The following SMARCC1 variants were observed in gnomAD, a reference collection of about 807,000 sequenced individuals.
The protein encoded by SMARCC1 is SWI/SNF related BAF chromatin remodeling complex subunit C1, also known as SWI/SNF complex subunit SMARCC1.
A neutral mutation model predicts 147.4 loss-of-function variants in SMARCC1; 43 were observed. The ratio of observed to expected loss-of-function variants is 0.29; its 90% confidence interval spans 0.23 to 0.38. SMARCC1 has a LOEUF of 0.38. SMARCC1 is among the 10% of genes least tolerant of loss of function. The probability of loss-of-function intolerance (pLI) is 1.00; values close to 1 mark genes in which losing one functional copy is unlikely to be tolerated. For synonymous variants in SMARCC1, 495 were observed against 484.4 expected (o/e 1.02, Z -0.29); for missense variants, 1,119 against 1,381.1 (o/e 0.81, Z 3.01).
intron 2 of SMARCC1, among the ~76,000 whole-genome samples, chr3:47,762,113 T>A (rs2034780678): frequency 6.6e-6 from 1 of 152,104 alleles, no homozygotes; most frequent in Non-Finnish European, 1.5e-5. Flanking sequence ...CACAGAACAT[T>A]TTTAGAAACT....
chr3:47,738,207 T>G, intron 3 of SMARCC1, 97 bp from the exon 4 acceptor site: 1 of 730,224 alleles, frequency 1.4e-6, no homozygotes, highest in East Asian at 2.8e-5. Context: ...TAGAAAGATT[T>G]GAAAATTAAA....
intron 24 of SMARCC1, 42 bp from the exon 25 acceptor site, chr3:47,622,383 G>C (rs541575568): frequency 1.9e-6 from 3 of 1,591,748 alleles, no homozygotes; most frequent in Non-Finnish European, 2.6e-6. Flanking sequence ...GTAAACATTT[G>C]CTTAAAGAAC....
rs150315538 is a variant in SMARCC1, at chr3:47,770,855, C to T, written c.315+1962G>A. Among the ~76,000 whole-genome samples, 112 of 152,174 alleles carry T rather than the reference C, an allele frequency of 7.4e-4. 1 individual carries two copies. Among genetic ancestry groups the T allele is most frequent in the African/African-American group, 2.6e-3 (110 of 41,532 alleles). On this transcript the variant is annotated intron_variant, in intron 2 of 27. Coordinates refer to ENST00000254480, the MANE Select transcript of SMARCC1 (RefSeq NM_003074.4). ...AACTTTTTGGATAATAAAAACATCA[C>T]AGACAAACACATTTACAGCAAGATC...
intron 2 of SMARCC1, among the ~76,000 whole-genome samples, chr3:47,748,380 A>AT (rs964376853): frequency 5.3e-5 from 8 of 151,638 alleles, no homozygotes; most frequent in Non-Finnish European, 1.0e-4. Context: ...CGCCTGGCTA[A>AT]TTTTTTTTCT....
chr3:47,778,918 G>A (rs1206729383), intron 1 of SMARCC1, among the ~76,000 whole-genome samples: 1 of 152,058 alleles, frequency 6.6e-6, no homozygotes, highest in African/African-American at 2.4e-5. Context: ...AGCCCAGGAG[G>A]TTGAGGCTGC....
chr3:47,636,421 A>AT (rs2032969774), intron 22 of SMARCC1, among the ~76,000 whole-genome samples: 2 of 152,180 alleles, frequency 1.3e-5, no homozygotes, highest in African/African-American at 4.8e-5. Flanking sequence ...GCCCAGAGGA[A>AT]TGTGAAGGGA....
chr3:47,724,983 G>A (rs2034280995), intron 6 of SMARCC1, among the ~76,000 whole-genome samples: 1 of 123,084 alleles, frequency 8.1e-6, no homozygotes, highest in Admixed American at 1.1e-4. Context: ...ATGGAGCCAC[G>A]ATCGCACCAC....
In SMARCC1 at chr3:47,628,552, T is replaced by C. The variant is rs144940528; in HGVS notation, c.2647-6211A>G. Among the ~76,000 whole-genome samples the C allele has an allele frequency of 2.0e-3, 297 of 152,260 alleles. 3 individuals are homozygous for C. Among genetic ancestry groups the C allele is most frequent in the African/African-American group, 6.6e-3 (274 of 41,568 alleles). On this transcript the variant is annotated intron_variant, in intron 24 of 27. Coordinates refer to ENST00000254480, the MANE Select transcript of SMARCC1 (RefSeq NM_003074.4). Reference sequence around the variant, plus strand: ...AGGGAACTATGTAGGCAAGAAAACATAGGTGTGGCTTTTGTCTAACGGGAA... The same window carrying C: ...AGGGAACTATGTAGGCAAGAAAACACAGGTGTGGCTTTTGTCTAACGGGAA...
chr3:47,754,560 T>C (rs1395220409), intron 2 of SMARCC1, among the ~76,000 whole-genome samples: 1 of 152,120 alleles, frequency 6.6e-6, no homozygotes, highest in African/African-American at 2.4e-5. Flanking sequence ...GCTCCAGCAA[T>C]ATTGTATACT....
At chr3:47,764,069 C>CT (rs1478700566) in intron 2 of SMARCC1, among the ~76,000 whole-genome samples, 1 of 152,004 alleles carries the variant, frequency 6.6e-6, no homozygotes, top group Non-Finnish European at 1.5e-5. Flanking sequence ...GGATTTCGCT[C>CT]TATCACTCAG....
At chr3:47,693,117 C>G in intron 12 of SMARCC1, 124 bp downstream of exon 12, 1 of 664,876 alleles carries the variant, frequency 1.5e-6, no homozygotes. Flanking sequence ...CTGTGGTGAG[C>G]TATATTACAC....
Position 47,714,395 on chromosome 3 carries a change from T to C in SMARCC1, c.792+20A>G. ...ATTTTAAAAAGATTATTGTAAGATT[T>C]TTTTTGTTAAATCATTTACCTTCCA... On this transcript the variant is annotated intron_variant, in intron 8 of 27. Transcript: ENST00000254480. 2 of 1,459,068 alleles carry C rather than the reference T, an allele frequency of 1.4e-6. No homozygotes were observed. Among genetic ancestry groups the C allele is most frequent in the Non-Finnish European group, 1.9e-6 (2 of 1,048,450 alleles). The allele number at this position is 1,459,068 out of a possible 1,614,324, so 90.4% of individuals were successfully genotyped here. A position where few individuals can be genotyped will look rare whatever the true frequency, so the allele number is the denominator to read the frequency against.
At chr3:47,641,910 T>A (rs1384778283) in intron 21 of SMARCC1, among the ~76,000 whole-genome samples, 3 of 152,170 alleles carry the variant, frequency 2.0e-5, no homozygotes, top group Non-Finnish European at 4.4e-5. Context: ...TAGCTGGGAT[T>A]ACAGGCGTGT....
intron 22 of SMARCC1, among the ~76,000 whole-genome samples, chr3:47,636,822 G>A (rs1233570932): frequency 2.0e-5 from 3 of 149,346 alleles, no homozygotes; most frequent in Admixed American, 1.3e-4. Context: ...GTGTGTGTGT[G>A]TGTGTGTGTG....
At chr3:47,660,962 C>T (rs1171105257) in intron 21 of SMARCC1, among the ~76,000 whole-genome samples, 1 of 152,200 alleles carries the variant, frequency 6.6e-6, no homozygotes, top group Non-Finnish European at 1.5e-5. Flanking sequence ...TATAAATTAA[C>T]ATAATCATAA....
intron 26 of SMARCC1, among the ~76,000 whole-genome samples, chr3:47,597,518 G>T (rs2032309889): frequency 6.6e-6 from 1 of 152,050 alleles, no homozygotes; most frequent in South Asian, 2.1e-4. Flanking sequence ...AGTAGAGATG[G>T]GGTTTCACCA....
chr3:47,717,898 T>A (rs1314325356), intron 7 of SMARCC1, among the ~76,000 whole-genome samples: 1 of 151,800 alleles, frequency 6.6e-6, no homozygotes, highest in Non-Finnish European at 1.5e-5. Flanking sequence ...CTGTTTGGGT[T>A]TTTTTAAGAT....
At chr3:47,642,960 C>T (rs6442072) in intron 21 of SMARCC1, among the ~76,000 whole-genome samples, 93,936 of 152,020 alleles carry the variant, frequency 0.62, 29,745 homozygotes, top group East Asian at 0.72. Flanking sequence ...CTCAGTAGGA[C>T]TGCTGAGCCT....
intron 9 of SMARCC1, among the ~76,000 whole-genome samples, chr3:47,708,990 G>A (rs2034051267): frequency 6.6e-6 from 1 of 152,168 alleles, no homozygotes; most frequent in East Asian, 1.9e-4. Context: ...GCAAGGCATA[G>A]TGGCTCATAC....
Sources: allele counts gnomAD v4.1 joint callset (sites outside exome capture counted in the v4.1 genomes callset), GRCh38; gene constraint gnomAD v4.1.1; transcripts MANE v1.5; gene names NCBI Gene and HGNC (gene_info 2026-07-23, HGNC 2026-07-21).